DNMT3A: variants seen among roughly 807,000 people sequenced by gnomAD.
DNMT3A encodes the protein DNA methyltransferase 3 alpha, also known as DNA (cytosine-5)-methyltransferase 3A.
Under a neutral mutation model 117.6 loss-of-function variants are expected in DNMT3A, and 267 were observed. That is an observed-to-expected ratio of 2.27 (90% CI 2.05 to 2.51). The LOEUF is 2.51. Ranked by LOEUF, DNMT3A falls within the 30% of genes most tolerant of loss-of-function variation. The pLI is 0.00. For synonymous variants in DNMT3A, 432 were observed against 474.8 expected (o/e 0.91, Z 1.17); for missense variants, 1,029 against 1,260.2 (o/e 0.82, Z 2.78).
intron 6 of DNMT3A, among the ~76,000 whole-genome samples, chr2:25,262,024 T>C (rs566594989): frequency 1.3e-5 from 2 of 151,986 alleles, no homozygotes; most frequent in South Asian, 4.2e-4. Context: ...ACCCCGTCTC[T>C]ACTAAAAATA....
At chr2:25,264,292 A>G (rs1382654160) in intron 6 of DNMT3A, among the ~76,000 whole-genome samples, 1 of 151,780 alleles carries the variant, frequency 6.6e-6, no homozygotes, top group Admixed American at 6.6e-5. Flanking sequence ...GGCATGTGCC[A>G]CCACGCCCAG....
Position 25,252,212 on chromosome 2 carries a change from C to A in DNMT3A, c.640-3960G>T. ...AACCTACCCATAAGGCCAGGTGCAG[C>A]CCCTCTGCAGTCGCGCTCAGGTGTG... is the stretch of plus-strand genomic sequence containing the variant. On this transcript the variant is annotated intron_variant, in intron 6 of 22. Coordinates refer to ENST00000321117, the MANE Select transcript of DNMT3A (RefSeq NM_022552.5). The surrounding 1 kb of genome is among the most constrained non-coding windows in gnomAD (Gnocchi z 5.5). 1 of 1,561,426 alleles carries A rather than the reference C, an allele frequency of 6.4e-7. No homozygotes were observed. The highest frequency in any genetic ancestry group is 8.7e-7 in the Non-Finnish European group (1 of 1,155,144).
At position 25,275,570 on chromosome 2, in the gene DNMT3A, C is replaced by A. The variant is rs760855845; in HGVS notation, c.449-27G>T. 9.6e-6 allele frequency: 15 copies of A among 1,554,878 alleles called. No individual in the cohort carries two copies. In the East Asian group the frequency reaches 3.2e-4, roughly 33 times the overall value. On this transcript the variant is annotated intron_variant, in intron 4 of 22. Transcript: ENST00000321117. ...TGTGGAGAGGGAAGAACAAAGGGACCAGTTCGTTGGTCGGCAGAATTACTG... is the reference window on the plus strand; with the variant it reads ...TGTGGAGAGGGAAGAACAAAGGGACAAGTTCGTTGGTCGGCAGAATTACTG...
At position 25,337,183 on chromosome 2, in the gene DNMT3A, G is replaced by A. The variant is rs975413253; in HGVS notation, c.-178+4643C>T. On this transcript the variant is annotated intron_variant, in intron 1 of 22. Transcript: ENST00000321117. This position sits in a 1 kb window ranked among gnomAD's most constrained non-coding sequence, Gnocchi z 5.0. ...TGGAAGCAAAACAACCTGTTGACAC[G>A]AGATTTGTTCAACTCAACAGATTGC... Among the ~76,000 whole-genome samples the A allele has an allele frequency of 1.3e-5, 2 of 152,186 alleles. No individual in the cohort carries two copies. The highest frequency in any genetic ancestry group is 2.4e-5 in the African/African-American group (1 of 41,450).
At chr2:25,288,277 A>G (rs577418407) in intron 3 of DNMT3A, among the ~76,000 whole-genome samples, 2 of 151,936 alleles carry the variant, frequency 1.3e-5, no homozygotes, top group Admixed American at 6.5e-5. Flanking sequence ...TACTAAAAAT[A>G]CAAAAAATTC....
chr2:25,326,211 T>C (rs76201988), intron 1 of DNMT3A, among the ~76,000 whole-genome samples: 2,172 of 152,034 alleles, frequency 0.014, 25 homozygotes, highest in Middle Eastern at 0.031. Flanking sequence ...TTCTTTTCTA[T>C]ACAAGTTGTT....
At chr2:25,319,595 G>A (rs1294735244) in intron 1 of DNMT3A, among the ~76,000 whole-genome samples, 2 of 152,220 alleles carry the variant, frequency 1.3e-5, no homozygotes, top group Non-Finnish European at 2.9e-5. Flanking sequence ...CCGCATGCCA[G>A]TCACCTGGCA....
intron 6 of DNMT3A, among the ~76,000 whole-genome samples, chr2:25,266,008 C>CT (rs1160460886): frequency 6.6e-6 from 1 of 152,138 alleles, no homozygotes; most frequent in Non-Finnish European, 1.5e-5. Context: ...CACCCTGCCT[C>CT]TTTTTTTCTC....
At position 25,304,463 on chromosome 2, in the gene DNMT3A, G is replaced by A. The variant is rs2033680650; in HGVS notation, c.73-4220C>T. ...CTCCCCATCCCCCTCTCCCTGCCTC[G>A]TGCAAATCCCAGCACGCCGCCCACC... On this transcript the variant is annotated intron_variant, in intron 2 of 22. Transcript: ENST00000321117. The surrounding 1 kb of genome is among the most constrained non-coding windows in gnomAD (Gnocchi z 4.3). Among the ~76,000 whole-genome samples, 1 of 151,942 alleles carries A rather than the reference G, an allele frequency of 6.6e-6. No individual in the cohort carries two copies. The highest frequency in any genetic ancestry group is 2.1e-4 in the South Asian group (1 of 4,812).
chr2:25,303,490 G>A (rs559805621), intron 2 of DNMT3A, among the ~76,000 whole-genome samples: 37 of 152,222 alleles, frequency 2.4e-4, no homozygotes, highest in Admixed American at 7.9e-4. Flanking sequence ...TGGACCCCCC[G>A]GTGCCAGGCC....
intron 1 of DNMT3A, among the ~76,000 whole-genome samples, chr2:25,317,056 A>AT (rs988999382): frequency 6.6e-6 from 1 of 152,072 alleles, no homozygotes; most frequent in Admixed American, 6.6e-5. Flanking sequence ...CAATAGAAAC[A>AT]TTTTTTGTTT....
At chr2:25,340,137 C>CCACCCTCCCTG (rs1291595199) in intron 1 of DNMT3A, among the ~76,000 whole-genome samples, 3 of 152,218 alleles carry the variant, frequency 2.0e-5, no homozygotes, top group African/African-American at 7.2e-5. Context: ...TCGGCCCTGC[C>CCACCCTCCCTG]CACCCTCCCG....
Position 25,240,468 on chromosome 2 carries a change from A to G in DNMT3A, c.2174-18T>C. The G allele has an allele frequency of 6.3e-7, 1 of 1,595,212 alleles. No homozygotes were observed. Among genetic ancestry groups the G allele is most frequent in the Non-Finnish European group, 8.5e-7 (1 of 1,170,950 alleles). ...AGTGCCCTCTGAGAGGTCGGAAGAG[A>G]AAGCCATCAGCTGGGGCTGTCTGCA... is the stretch of plus-strand genomic sequence containing the variant. On this transcript the variant is annotated intron_variant, in intron 18 of 22. Transcript: ENST00000321117.
At chr2:25,315,548 G>A (rs1212550595) in intron 1 of DNMT3A, among the ~76,000 whole-genome samples, 1 of 152,212 alleles carries the variant, frequency 6.6e-6, no homozygotes, top group Admixed American at 6.5e-5. Context: ...CGAGAGGGTG[G>A]ACGGCAGCGG....
At chr2:25,314,704 T>C in intron 1 of DNMT3A, 1 of 985,382 alleles carries the variant, frequency 1.0e-6, no homozygotes, top group Non-Finnish European at 1.2e-6. Flanking sequence ...GAGCTCAGGC[T>C]GCAGGCCTGG....
chr2:25,336,235 G>A (rs1187332417), intron 1 of DNMT3A, among the ~76,000 whole-genome samples: 1 of 152,236 alleles, frequency 6.6e-6, no homozygotes, highest in Non-Finnish European at 1.5e-5. Flanking sequence ...TCTGCCCAGC[G>A]TGTGTGTTGG....
chr2:25,297,295 C>A (rs1264737921), intron 3 of DNMT3A, among the ~76,000 whole-genome samples: 2 of 152,114 alleles, frequency 1.3e-5, no homozygotes, highest in African/African-American at 4.8e-5. Flanking sequence ...TCCTCCTCAC[C>A]CTGGGCCTCT....
In DNMT3A at chr2:25,254,071, C is replaced by CAAA. The variant is rs752382240; in HGVS notation, c.640-5822_640-5820dup. 1.4e-5 allele frequency among the ~76,000 whole-genome samples: 1 copy of CAAA among 71,156 alleles called. No individual in the cohort carries two copies. The highest frequency in any genetic ancestry group is 4.8e-4 in the South Asian group (1 of 2,072). The allele number at this position is 71,156 out of a possible 152,430, so 46.7% of individuals were successfully genotyped here. A position where few individuals can be genotyped will look rare whatever the true frequency, so the allele number is the denominator to read the frequency against. ...TGGGCAACAGAGCGAGACTCCGTCTCAAAAAAAAAAAAAAAAAAGATCTGG... is the reference window on the plus strand; with the variant it reads ...TGGGCAACAGAGCGAGACTCCGTCTCAAAAAAAAAAAAAAAAAAAAAGATCTGG... On this transcript the variant is annotated intron_variant, in intron 6 of 22. Coordinates refer to ENST00000321117, the MANE Select transcript of DNMT3A (RefSeq NM_022552.5). This position sits in a 1 kb window ranked among gnomAD's most constrained non-coding sequence, Gnocchi z 4.7.
chr2:25,241,705 GC>G lies in DNMT3A; in HGVS notation c.1938del (p.Leu647SerfsTer4). ...ATGCCCAAGTCCTTCAGCACCAGGA[GC>G]CCTGCACCAGCCAGCAGACAGCACC... is the stretch of plus-strand genomic sequence containing the variant. ...VLSLFDGIAT[G>X]LLVLKDLGIQ... On this transcript the variant is annotated frameshift_variant and splice_region_variant, in exon 17 of 23. Transcript: ENST00000321117. LOFTEE classifies it high-confidence loss of function. 6.2e-7 allele frequency: 1 copy of G among 1,613,628 alleles called. No individual in the cohort carries two copies.
Sources: gnomAD v4.1 joint callset for allele counts (sites outside exome capture counted in the v4.1 genomes callset) on GRCh38, gnomAD v4.1.1 for gene constraint, Gnocchi (gnomAD v3.1) non-coding constraint, MANE v1.5 for transcripts, NCBI Gene and HGNC (gene_info 2026-07-23, HGNC 2026-07-21) for gene names.